The following SOX5 variants were observed in gnomAD, a reference collection of about 807,000 sequenced individuals.
SOX5 encodes SRY-box transcription factor 5.
Under a neutral mutation model 92.0 loss-of-function variants are expected in SOX5, and 9 were observed. The ratio of observed to expected loss-of-function variants is 0.10; its 90% CI spans 0.06 to 0.17. The LOEUF (loss-of-function observed/expected upper bound fraction) is 0.17, where lower values mean the gene tolerates loss of function less well. Ranked by LOEUF, SOX5 falls within the 10% of genes least tolerant of loss-of-function variation. The pLI is 1.00. For synonymous variants in SOX5, 344 were observed against 336.3 expected (o/e 1.02, Z -0.25); for missense variants, 642 against 944.5 (o/e 0.68, Z 4.20).
intron 4 of SOX5, among the ~76,000 whole-genome samples, chr12:24,038,486 C>A (rs544362681): frequency 6.6e-6 from 1 of 152,130 alleles, no homozygotes; most frequent in Non-Finnish European, 1.5e-5. Context: ...GTGGGATCTT[C>A]GCTTTGTGAA....
At chr12:23,988,447 T>C (rs148780219) in intron 4 of SOX5, among the ~76,000 whole-genome samples, 2 of 152,308 alleles carry the variant, frequency 1.3e-5, no homozygotes, top group Non-Finnish European at 2.9e-5. Flanking sequence ...AGGAAATTAA[T>C]GTCTAATGCT....
At chr12:24,138,202 G>T (rs1048210488) in intron 4 of SOX5, among the ~76,000 whole-genome samples, 2 of 152,194 alleles carry the variant, frequency 1.3e-5, no homozygotes, top group African/African-American at 4.8e-5. Flanking sequence ...CTCAGAGAAC[G>T]GAGGCGTATC....
At chr12:24,115,166 C>T (rs1308529245) in intron 4 of SOX5, among the ~76,000 whole-genome samples, 1 of 151,988 alleles carries the variant, frequency 6.6e-6, no homozygotes, top group Non-Finnish European at 1.5e-5. Context: ...CAGAAGAACT[C>T]AATACATAAG....
At chr12:24,126,082 A>G (rs569093722) in intron 4 of SOX5, among the ~76,000 whole-genome samples, 1 of 152,234 alleles carries the variant, frequency 6.6e-6, no homozygotes, top group South Asian at 2.1e-4. Flanking sequence ...TCTCTCCTCT[A>G]GCCTTCTCTG....
At position 23,863,402 on chromosome 12, in the gene SOX5, T is replaced by C. The variant is rs572978464; in HGVS notation, c.271-17209A>G. ...TAACAGACCTATGAGGTAGGAAATA[T>C]GATCAATGCTTTTACACACAGAGAA... On this transcript the variant is annotated intron_variant, in intron 2 of 14. Transcript: ENST00000451604. Among the ~76,000 whole-genome samples, 3 of 152,330 alleles carry C rather than the reference T, an allele frequency of 2.0e-5. No individual in the cohort carries two copies. In the East Asian group the frequency reaches 5.8e-4, roughly 29 times the overall value.
chr12:24,083,754 A>G (rs1943638881), intron 4 of SOX5, among the ~76,000 whole-genome samples: 1 of 152,098 alleles, frequency 6.6e-6, no homozygotes, highest in Non-Finnish European at 1.5e-5. Context: ...AAGGAATAAA[A>G]TGTAAAAACA....
chr12:24,113,250 A>G (rs1947582924), intron 4 of SOX5, among the ~76,000 whole-genome samples: 1 of 116,370 alleles, frequency 8.6e-6, no homozygotes, highest in Non-Finnish European at 1.9e-5. Context: ...ATATATGTAG[A>G]ATCATAAAAA....
At chr12:23,987,809 T>A (rs1196112932) in intron 4 of SOX5, among the ~76,000 whole-genome samples, 1 of 152,016 alleles carries the variant, frequency 6.6e-6, no homozygotes, top group African/African-American at 2.4e-5. Context: ...AAAAACATCA[T>A]GGAGGATTCT....
chr12:23,730,613 T>C (rs2093354677), intron 6 of SOX5, among the ~76,000 whole-genome samples: 1 of 152,170 alleles, frequency 6.6e-6, no homozygotes, highest in Admixed American at 6.6e-5. Flanking sequence ...GAAATGTAGA[T>C]TGAGTTTTTA....
intron 4 of SOX5, among the ~76,000 whole-genome samples, chr12:24,126,880 A>G (rs1362187574): frequency 6.6e-6 from 1 of 151,320 alleles, no homozygotes; most frequent in Admixed American, 6.6e-5. Flanking sequence ...CCTATATGGA[A>G]CTCCTCCCTT....
At chr12:24,107,000 C>T (rs1004914558) in intron 4 of SOX5, among the ~76,000 whole-genome samples, 1 of 151,670 alleles carries the variant, frequency 6.6e-6, no homozygotes, top group Admixed American at 6.6e-5. Flanking sequence ...AAGAAGAATC[C>T]TAGAAGTATT....
intron 1 of SOX5, among the ~76,000 whole-genome samples, chr12:24,530,044 C>T (rs1951054446): frequency 1.4e-5 from 2 of 146,268 alleles, no homozygotes; most frequent in Admixed American, 1.4e-4. Flanking sequence ...AAAAAAAAGC[C>T]GTACAAGTAG....
intron 4 of SOX5, among the ~76,000 whole-genome samples, chr12:24,083,895 G>C (rs1407036006): frequency 6.6e-6 from 1 of 152,048 alleles, no homozygotes; most frequent in Non-Finnish European, 1.5e-5. Context: ...TAGAGTACTT[G>C]CTGGTCCTTA....
chr12:24,470,360 G>A (rs1287320960), intron 1 of SOX5, among the ~76,000 whole-genome samples: 1 of 152,136 alleles, frequency 6.6e-6, no homozygotes. Flanking sequence ...GAGGTAACTA[G>A]GAGTAATGAG....
At chr12:23,556,007 A>AGAGT (rs1485567463) in intron 11 of SOX5, among the ~76,000 whole-genome samples, 2 of 152,198 alleles carry the variant, frequency 1.3e-5, no homozygotes, top group Non-Finnish European at 2.9e-5. Context: ...GCTGACATAC[A>AGAGT]GAGTGATGGA....
intron 10 of SOX5, among the ~76,000 whole-genome samples, chr12:23,570,220 C>A (rs779166182): frequency 2.6e-5 from 4 of 152,012 alleles, no homozygotes; most frequent in Non-Finnish European, 5.9e-5. Context: ...TTTTTGTGGT[C>A]ATTGATCAGC....
At chr12:23,942,526 T>C (rs1164417657) in intron 1 of SOX5, among the ~76,000 whole-genome samples, 2 of 151,920 alleles carry the variant, frequency 1.3e-5, no homozygotes, top group East Asian at 3.9e-4. Flanking sequence ...GTTAACTCTT[T>C]CCCTTCTTTT....
At chr12:24,513,347 T>C (rs1949496346) in intron 1 of SOX5, among the ~76,000 whole-genome samples, 1 of 152,232 alleles carries the variant, frequency 6.6e-6, no homozygotes. Flanking sequence ...TCTTAGGTAC[T>C]TGGGAATCCA....
intron 4 of SOX5, among the ~76,000 whole-genome samples, chr12:24,090,858 TTGGGAGTGG>T (rs1038322517): frequency 6.6e-6 from 1 of 152,128 alleles, no homozygotes; most frequent in Admixed American, 6.6e-5. Context: ...CTCAGAGTGC[TTGGGAGTGG>T]TGGGAGAGGG....
Sources: allele counts gnomAD v4.1 joint callset (sites outside exome capture counted in the v4.1 genomes callset), GRCh38; gene constraint gnomAD v4.1.1; transcripts MANE v1.5; gene names NCBI Gene and HGNC (gene_info 2026-07-23, HGNC 2026-07-21).